SEMA6D: variants seen among roughly 807,000 people sequenced by gnomAD.
The protein encoded by SEMA6D is semaphorin-6D.
In SEMA6D, 35 loss-of-function variants were observed where a neutral mutation model predicts 106.6. The ratio of observed to expected loss-of-function variants is 0.33; its 90% confidence interval spans 0.25 to 0.44. The LOEUF (loss-of-function observed/expected upper bound fraction) is 0.44, where lower values mean the gene tolerates loss of function less well. Ranked by LOEUF, SEMA6D falls within the 20% of genes least tolerant of loss-of-function variation. The probability of loss-of-function intolerance (pLI) is 1.00; values close to 1 mark genes in which losing one functional copy is unlikely to be tolerated. For missense variants in SEMA6D, 1,185 were observed against 1,345.9 expected (o/e 0.88, Z 1.87); for synonymous variants, 499 against 487.7 (o/e 1.02, Z -0.31).
chr15:47,357,347 A>T (rs2038622811), intron 1 of SEMA6D, among the ~76,000 whole-genome samples: 1 of 151,814 alleles, frequency 6.6e-6, no homozygotes, highest in African/African-American at 2.4e-5. Flanking sequence ...ATAAATAAAT[A>T]AAATAAATAA....
chr15:47,760,107 G>A, intron 2 of SEMA6D, 197 bp from the exon 3 acceptor site: 1 of 624,306 alleles, frequency 1.6e-6, no homozygotes, highest in Non-Finnish European at 2.8e-6. Flanking sequence ...ACAGCAACCT[G>A]TATATAGGTT....
intron 3 of SEMA6D, among the ~76,000 whole-genome samples, chr15:47,546,721 A>G (rs538049969): frequency 1.3e-5 from 2 of 151,748 alleles, no homozygotes; most frequent in East Asian, 3.9e-4. Flanking sequence ...GGGCGTGTAC[A>G]TTTGATGTGT....
At chr15:47,760,479 G>A (rs1365576948) in intron 3 of SEMA6D, 64 bp downstream of exon 3, 2 of 1,275,338 alleles carry the variant, frequency 1.6e-6, no homozygotes, top group African/African-American at 1.5e-5. Context: ...TTGCATTAGT[G>A]TGTCTAGTTC....
chr15:47,237,133 C>T (rs918463143), intron 1 of SEMA6D, among the ~76,000 whole-genome samples: 2 of 152,128 alleles, frequency 1.3e-5, no homozygotes, highest in Non-Finnish European at 2.9e-5. Context: ...TAAGGTTGAA[C>T]TAGAAATAAG....
intron 1 of SEMA6D, among the ~76,000 whole-genome samples, chr15:47,403,204 C>A (rs532349370): frequency 6.6e-6 from 1 of 152,242 alleles, no homozygotes; most frequent in East Asian, 1.9e-4. Flanking sequence ...GCTTACCCAG[C>A]CTCCCTAGGT....
At chr15:47,266,773 A>C (rs1286688899) in intron 1 of SEMA6D, among the ~76,000 whole-genome samples, 1 of 152,120 alleles carries the variant, frequency 6.6e-6, no homozygotes, top group African/African-American at 2.4e-5. Context: ...GTTCTTAGAC[A>C]TGCACTGTCT....
intron 1 of SEMA6D, among the ~76,000 whole-genome samples, chr15:47,280,425 T>G (rs2035058370): frequency 6.6e-6 from 1 of 150,708 alleles, no homozygotes; most frequent in Admixed American, 6.6e-5. Flanking sequence ...TCTTTTTTTC[T>G]TTATTAGTGT....
intron 1 of SEMA6D, among the ~76,000 whole-genome samples, chr15:47,294,921 CA>C (rs34895005): frequency 0.83 from 126,855 of 152,204 alleles, 55,052 homozygotes; most frequent in Non-Finnish European, 0.97. Context: ...CAGTCTGGAA[CA>C]AAATCTGAAG....
intron 1 of SEMA6D, among the ~76,000 whole-genome samples, chr15:47,329,504 A>G (rs1243178269): frequency 6.6e-6 from 1 of 152,220 alleles, no homozygotes; most frequent in Non-Finnish European, 1.5e-5. Flanking sequence ...AAGTAATACT[A>G]ATGTCAGAAT....
At chr15:47,684,269 TA>T (rs1166045797) in intron 4 of SEMA6D, among the ~76,000 whole-genome samples, 1 of 151,996 alleles carries the variant, frequency 6.6e-6, no homozygotes, top group African/African-American at 2.4e-5. Context: ...ACGACAATTA[TA>T]AAAAAATTAA....
At chr15:47,318,843 A>C (rs989114170) in intron 1 of SEMA6D, among the ~76,000 whole-genome samples, 2 of 149,536 alleles carry the variant, frequency 1.3e-5, no homozygotes, top group Non-Finnish European at 3.0e-5. Flanking sequence ...GAATCGCCAC[A>C]CTGACTTCCA....
chr15:47,768,224 A>G (rs2082446543), intron 17 of SEMA6D, among the ~76,000 whole-genome samples: 1 of 152,212 alleles, frequency 6.6e-6, no homozygotes, highest in Non-Finnish European at 1.5e-5. Context: ...TTAAAAATGC[A>G]TAAAAAAGAA....
chr15:47,676,908 T>G (rs2078257064), intron 4 of SEMA6D, among the ~76,000 whole-genome samples: 1 of 151,966 alleles, frequency 6.6e-6, no homozygotes, highest in African/African-American at 2.4e-5. Flanking sequence ...GAACCAGTTT[T>G]GAGGAAGACA....
chr15:47,206,631 A>G (rs17283885), intron 1 of SEMA6D, among the ~76,000 whole-genome samples: 1,851 of 151,660 alleles, frequency 0.012, 43 homozygotes, highest in Admixed American at 0.012. Context: ...AGCAGTTACT[A>G]TGTTGTGCAC....
intron 1 of SEMA6D, among the ~76,000 whole-genome samples, chr15:47,278,532 G>T (rs1477783080): frequency 2.0e-5 from 3 of 152,066 alleles, no homozygotes; most frequent in Non-Finnish European, 4.4e-5. Context: ...CAGATGAGTA[G>T]GTTGCGAAAA....
chr15:47,521,841 C>T (rs1375955912), intron 3 of SEMA6D, among the ~76,000 whole-genome samples: 4 of 152,156 alleles, frequency 2.6e-5, no homozygotes, highest in Admixed American at 2.6e-4. Context: ...AAAACTTAGC[C>T]GGGCATGGTG....
At chr15:47,745,333 T>C (rs2081068738) in intron 1 of SEMA6D, among the ~76,000 whole-genome samples, 1 of 152,174 alleles carries the variant, frequency 6.6e-6, no homozygotes, top group African/African-American at 2.4e-5. Flanking sequence ...ATCCCCAACA[T>C]ACAGGGTAAT....
At position 47,767,067 on chromosome 15, in the gene SEMA6D, A is replaced by G. The variant is rs2082383456; in HGVS notation, c.1739A>G (p.Tyr580Cys). 1 of 1,571,044 alleles carries G rather than the reference A, an allele frequency of 6.4e-7. No homozygotes were observed. Among genetic ancestry groups the G allele is most frequent in the African/African-American group, 1.4e-5 (1 of 72,838 alleles). Residue 580 changes from tyrosine (Y) to cysteine (C), a missense_variant, in exon 17 of 19, where the codon TAC becomes TGC. Around this residue, in one of 3 missense-constraint regions of SEMA6D, gnomAD observed 750 missense variants for 783.5 expected, o/e 0.96. Coordinates refer to ENST00000536845, the MANE Select transcript of SEMA6D (RefSeq NM_001358351.3). ...TTGCCTACTTCAACTACACCAGATT[A>G]CAAAATATTTGGCGGTCCAACATCT... ...EILPTSTTPD[Y>C]KIFGGPTSDM...
At chr15:47,408,017 A>T (rs1445602786) in intron 1 of SEMA6D, among the ~76,000 whole-genome samples, 1 of 152,162 alleles carries the variant, frequency 6.6e-6, no homozygotes, top group Admixed American at 6.5e-5. Flanking sequence ...AGGGCAGTAG[A>T]TAGGACTCTT....
Sources: gnomAD v4.1 joint callset for allele counts (sites outside exome capture counted in the v4.1 genomes callset) on GRCh38, gnomAD v4.1.1 for gene constraint, gnomAD v4.1.1 regional missense constraint, MANE v1.5 for transcripts, NCBI Gene and HGNC (gene_info 2026-07-23, HGNC 2026-07-21) for gene names.